Variants in SLMAP observed in about 807,000 individuals in gnomAD.
SLMAP encodes the protein sarcolemma associated protein.
Under a neutral mutation model 128.8 loss-of-function variants are expected in SLMAP, and 44 were observed. The ratio of observed to expected loss-of-function variants is 0.34; its 90% CI spans 0.27 to 0.44. The LOEUF is 0.44. Ranked by LOEUF, SLMAP falls within the 20% of genes least tolerant of loss-of-function variation. The probability of loss-of-function intolerance (pLI) is 1.00; values close to 1 mark genes in which losing one functional copy is unlikely to be tolerated. For missense variants in SLMAP, 787 were observed against 985.3 expected, an observed-to-expected ratio of 0.80 and a Z score of 2.69; for synonymous variants, 327 against 348.8, an observed-to-expected ratio of 0.94 and a Z score of 0.70.
intron 4 of SLMAP, among the ~76,000 whole-genome samples, chr3:57,846,150 A>G (rs897097616): frequency 6.6e-6 from 1 of 152,104 alleles, no homozygotes; most frequent in South Asian, 2.1e-4. Flanking sequence ...CGATTATCTC[A>G]TTTTATGCAT....
chr3:57,838,450 T>C (rs544852608), intron 3 of SLMAP, among the ~76,000 whole-genome samples: 1 of 152,322 alleles, frequency 6.6e-6, no homozygotes, highest in South Asian at 2.1e-4. Flanking sequence ...GGCATGTTCC[T>C]CAACATCTTC....
At chr3:57,893,430 A>G (rs1051043777) in intron 15 of SLMAP, among the ~76,000 whole-genome samples, 21 of 144,980 alleles carry the variant, frequency 1.4e-4, no homozygotes, top group African/African-American at 4.2e-4. Flanking sequence ...TCTGAAAAAT[A>G]AAAAAGAAAG....
rs541437667 is a variant in SLMAP, at chr3:57,885,544, C to T, written c.1301-4497C>T. Among the ~76,000 whole-genome samples the T allele has an allele frequency of 5.1e-5, 7 of 137,482 alleles. No individual in the cohort carries two copies. In the South Asian group the frequency reaches 7.1e-4, roughly 14 times the overall value. The allele number at this position is 137,482 out of a possible 152,430, so 90.2% of individuals were successfully genotyped here. A position where few individuals can be genotyped will look rare whatever the true frequency, so the allele number is the denominator to read the frequency against. Reference sequence around the variant, plus strand: ...AAGCGATTCTCCTGCGTCAGCCTACCGAGTAGCTGGGATTACAGGCACCCA... The same window carrying T: ...AAGCGATTCTCCTGCGTCAGCCTACTGAGTAGCTGGGATTACAGGCACCCA... On this transcript the variant is annotated intron_variant, in intron 14 of 24. Transcript: ENST00000671191.
At chr3:57,832,818 G>A (rs1441709864) in intron 3 of SLMAP, among the ~76,000 whole-genome samples, 1 of 151,992 alleles carries the variant, frequency 6.6e-6, no homozygotes. Context: ...ATTTGAATTT[G>A]GGCAGGGCCA....
At chr3:57,797,653 T>G (rs1340124719) in intron 2 of SLMAP, among the ~76,000 whole-genome samples, 1 of 152,218 alleles carries the variant, frequency 6.6e-6, no homozygotes, top group East Asian at 1.9e-4. Flanking sequence ...TATTTTATAC[T>G]TGGAAAAACA....
intron 2 of SLMAP, among the ~76,000 whole-genome samples, chr3:57,806,039 GT>G (rs572902738): frequency 1.4e-5 from 2 of 144,236 alleles, no homozygotes; most frequent in African/African-American, 2.5e-5. Context: ...TGTTTGTTTT[GT>G]TTTTTTTTTG....
At chr3:57,809,711 T>C (rs1285944422) in intron 2 of SLMAP, among the ~76,000 whole-genome samples, 1 of 152,116 alleles carries the variant, frequency 6.6e-6, no homozygotes, top group Non-Finnish European at 1.5e-5. Flanking sequence ...ACAGACCAAC[T>C]GGCTCACATT....
Position 57,853,960 on chromosome 3 carries a change from TATA to T in SLMAP, c.520-3772_520-3770del, listed in dbSNP as rs1560253173. On this transcript the variant is annotated intron_variant, in intron 6 of 24. Coordinates refer to ENST00000671191, the MANE Select transcript of SLMAP (RefSeq NM_001377540.1). Reference sequence around the variant, plus strand: ...CTGTCTCAAAAAAAAAAAAATTATATATATATATATATATATATATATATATAT... The same window carrying T: ...CTGTCTCAAAAAAAAAAAAATTATATTATATATATATATATATATATATAT... Among the ~76,000 whole-genome samples, 296 of 59,750 alleles carry T rather than the reference TATA, an allele frequency of 5.0e-3. 4 individuals are homozygous for T. The highest frequency in any genetic ancestry group is 6.9e-3 in the Middle Eastern group (1 of 144). The allele number at this position is 59,750 out of a possible 152,430, so 39.2% of individuals were successfully genotyped here. A position where few individuals can be genotyped will look rare whatever the true frequency, so the allele number is the denominator to read the frequency against.
intron 23 of SLMAP, among the ~76,000 whole-genome samples, chr3:57,923,397 A>G (rs558455465): frequency 6.6e-6 from 1 of 152,326 alleles, no homozygotes; most frequent in African/African-American, 2.4e-5. Flanking sequence ...TTTAAGAGAG[A>G]GTAGTACATG....
intron 2 of SLMAP, chr3:57,800,548 T>C (rs2088011448): frequency 6.5e-6 from 1 of 152,808 alleles, no homozygotes; most frequent in Non-Finnish European, 1.5e-5. Flanking sequence ...GCTTCTTGAA[T>C]TTCTTCTTGT....
At chr3:57,870,422 A>G (rs888188854) in intron 13 of SLMAP, among the ~76,000 whole-genome samples, 4 of 152,004 alleles carry the variant, frequency 2.6e-5, no homozygotes, top group African/African-American at 4.8e-5. Context: ...GTATCACTAT[A>G]TAGTATTCTA....
intron 17 of SLMAP, among the ~76,000 whole-genome samples, chr3:57,905,906 C>T (rs1411674840): frequency 6.6e-6 from 1 of 151,982 alleles, no homozygotes; most frequent in African/African-American, 2.4e-5. Flanking sequence ...ATTTATTCAG[C>T]CCAAAATGTC....
chr3:57,811,455 A>G (rs915709427), intron 2 of SLMAP, among the ~76,000 whole-genome samples: 2 of 152,072 alleles, frequency 1.3e-5, no homozygotes, highest in Non-Finnish European at 2.9e-5. Flanking sequence ...ATTTTATTGT[A>G]TGTATATTTT....
intron 2 of SLMAP, among the ~76,000 whole-genome samples, chr3:57,822,093 C>G (rs2092573295): frequency 6.6e-6 from 1 of 152,116 alleles, no homozygotes. Context: ...GGGTTGCTCT[C>G]CATATGATTT....
chr3:57,850,200 A>C (rs1306714045), intron 6 of SLMAP, among the ~76,000 whole-genome samples: 2 of 152,162 alleles, frequency 1.3e-5, no homozygotes, highest in African/African-American at 4.8e-5. Flanking sequence ...AGAATTAAAC[A>C]ACTTATATTT....
At chr3:57,879,179 G>A (rs1010613443) in intron 14 of SLMAP, among the ~76,000 whole-genome samples, 1 of 152,186 alleles carries the variant, frequency 6.6e-6, no homozygotes, top group Admixed American at 6.5e-5. Context: ...TCTTTTGAGT[G>A]TATTGTTTGT....
chr3:57,891,058 C>T (rs1207273570), intron 15 of SLMAP: 2 of 152,020 alleles, frequency 1.3e-5, no homozygotes, highest in Non-Finnish European at 2.9e-5. Flanking sequence ...AGTTTCAGAA[C>T]AGTGAACTAT....
At chr3:57,781,366 A>G (rs1305296732) in intron 2 of SLMAP, among the ~76,000 whole-genome samples, 1 of 152,218 alleles carries the variant, frequency 6.6e-6, no homozygotes, top group Non-Finnish European at 1.5e-5. Context: ...ATGTTACTTC[A>G]TTGAAAAGGC....
At chr3:57,888,652 A>G (rs2095974571) in intron 14 of SLMAP, among the ~76,000 whole-genome samples, 1 of 152,154 alleles carries the variant, frequency 6.6e-6, no homozygotes. Flanking sequence ...GACAAAATGC[A>G]ACTCTTGAGG....
Sources: gnomAD v4.1 joint callset for allele counts (sites outside exome capture counted in the v4.1 genomes callset) on GRCh38, gnomAD v4.1.1 for gene constraint, MANE v1.5 for transcripts, NCBI Gene and HGNC (gene_info 2026-07-23, HGNC 2026-07-21) for gene names.